UBE2D3: variants seen among roughly 807,000 people sequenced by gnomAD.
UBE2D3 encodes the protein ubiquitin-conjugating enzyme E2 D3.
Under a neutral mutation model 22.8 loss-of-function variants are expected in UBE2D3, and 2 were observed. That is an observed-to-expected ratio of 0.09 (90% CI 0.04 to 0.28). The LOEUF (loss-of-function observed/expected upper bound fraction) is 0.28, where lower values mean the gene tolerates loss of function less well. Ranked by LOEUF, UBE2D3 falls within the 10% of genes least tolerant of loss-of-function variation. UBE2D3 has a pLI of 1.00. For missense variants in UBE2D3, 27 were observed against 182.5 expected (o/e 0.15, Z 4.91); for synonymous variants, 56 against 60.4 (o/e 0.93, Z 0.34).
intron 1 of UBE2D3, chr4:102,826,923 G>A (rs985069539): frequency 1.6e-5 from 16 of 1,014,922 alleles, no homozygotes; most frequent in Non-Finnish European, 1.8e-5. Context: ...CCGGAGCCCA[G>A]CAGAGGAGGA....
chr4:102,818,334 C>T (rs1281766829), intron 2 of UBE2D3, among the ~76,000 whole-genome samples: 1 of 152,214 alleles, frequency 6.6e-6, no homozygotes, highest in East Asian at 1.9e-4. Context: ...TCATCTTCCT[C>T]TGAGCTGCTT....
chr4:102,843,475 A>C (rs1221331835), intron 1 of UBE2D3: 1 of 152,168 alleles, frequency 6.6e-6, no homozygotes, highest in Non-Finnish European at 1.5e-5. Context: ...AGTGCACTAC[A>C]TATGGGACTG....
chr4:102,852,283 T>C (rs1393290760), intron 1 of UBE2D3, among the ~76,000 whole-genome samples: 1 of 152,198 alleles, frequency 6.6e-6, no homozygotes, highest in Non-Finnish European at 1.5e-5. Flanking sequence ...GCTCTATCAG[T>C]CCTGAACCGA....
At chr4:102,805,142 A>G (rs991906393) in intron 4 of UBE2D3, among the ~76,000 whole-genome samples, 5 of 152,246 alleles carry the variant, frequency 3.3e-5, no homozygotes, top group Non-Finnish European at 7.3e-5. Context: ...TTGTTCGAAA[A>G]AAGAACTTTA....
intron 1 of UBE2D3, among the ~76,000 whole-genome samples, chr4:102,852,210 T>G (rs77779324): frequency 0.012 from 1,816 of 152,312 alleles, 21 homozygotes; most frequent in African/African-American, 0.036. Context: ...AGCCACATAT[T>G]CACATATTGA....
intron 7 of UBE2D3, among the ~76,000 whole-genome samples, chr4:102,798,619 A>T (rs1036393327): frequency 3.3e-5 from 5 of 151,616 alleles, no homozygotes; most frequent in Admixed American, 3.3e-4. Flanking sequence ...CATTCTGTAT[A>T]GGATTGGTAC....
At position 102,860,338 on chromosome 4, in the gene UBE2D3, G is replaced by A. The variant is rs1732826527; in HGVS notation, c.-129+8377C>T. On this transcript the variant is annotated intron_variant, in intron 1 of 7. Transcript: ENST00000338145. ...GTTCCTTTGGTTGTCATGTTTTCTT[G>A]GTGTGTGTGTGTGTGTGTTCAACTG... 1.4e-5 allele frequency among the ~76,000 whole-genome samples: 2 copies of A among 146,898 alleles called. 1 individual carries two copies. The highest frequency in any genetic ancestry group is 3.0e-5 in the Non-Finnish European group (2 of 66,274).
intron 7 of UBE2D3, 109 bp downstream of exon 7, chr4:102,799,298 T>C (rs1185310710): frequency 2.3e-6 from 2 of 851,368 alleles, no homozygotes; most frequent in African/African-American, 3.5e-5. Flanking sequence ...CTCCATATTT[T>C]AACTATTATC....
At chr4:102,802,888 C>T (rs893700213) in intron 4 of UBE2D3, among the ~76,000 whole-genome samples, 2 of 152,046 alleles carry the variant, frequency 1.3e-5, no homozygotes, top group East Asian at 1.9e-4. Context: ...TATCCAGAAA[C>T]GCAAGTATTC....
At chr4:102,838,453 T>A (rs1731546573) in intron 1 of UBE2D3, among the ~76,000 whole-genome samples, 1 of 152,158 alleles carries the variant, frequency 6.6e-6, no homozygotes, top group African/African-American at 2.4e-5. Context: ...TGCTCCCTAC[T>A]TCAGGCTAGT....
intron 1 of UBE2D3, among the ~76,000 whole-genome samples, chr4:102,845,234 C>G (rs1031467884): frequency 1.3e-5 from 2 of 151,990 alleles, no homozygotes; most frequent in African/African-American, 4.8e-5. Flanking sequence ...CAAAACAAAA[C>G]AAAACAAAGA....
chr4:102,865,641 A>C (rs1314629464), intron 1 of UBE2D3, among the ~76,000 whole-genome samples: 3 of 152,240 alleles, frequency 2.0e-5, no homozygotes, highest in Non-Finnish European at 4.4e-5. Context: ...CAAAGATGTC[A>C]AGAGCAGACT....
At chr4:102,822,527 CA>C (rs1433304332) in intron 2 of UBE2D3, among the ~76,000 whole-genome samples, 1 of 152,218 alleles carries the variant, frequency 6.6e-6, no homozygotes, top group East Asian at 1.9e-4. Flanking sequence ...TCTTAACTCA[CA>C]AATTAGCTAT....
intron 1 of UBE2D3, among the ~76,000 whole-genome samples, chr4:102,842,667 T>G (rs1731821702): frequency 6.6e-6 from 1 of 152,140 alleles, no homozygotes; most frequent in African/African-American, 2.4e-5. Context: ...ACACCCCTGT[T>G]TAAAGGCACT....
rs964742561 is a variant in UBE2D3 at position 102,826,925 on chromosome 4, A to G, written c.-128-289T>C. Reference sequence around the variant, plus strand: ...TGCGGGGCAGGGTCCGGAGCCCAGCAGAGGAGGAGCCGGGGCCTAGTCGGC... The same window carrying G: ...TGCGGGGCAGGGTCCGGAGCCCAGCGGAGGAGGAGCCGGGGCCTAGTCGGC... On this transcript the variant is annotated intron_variant, in intron 1 of 7. Transcript: ENST00000453744. The G allele has an allele frequency of 5.6e-5, 57 of 1,012,908 alleles. No individual in the cohort carries two copies. The African/African-American group carries it at 8.9e-4, about 16-fold the overall frequency. 62.7% of individuals were successfully genotyped at this position (1,012,908 alleles called of 1,614,324 possible).
intron 4 of UBE2D3, among the ~76,000 whole-genome samples, chr4:102,806,845 C>A (rs1727129910): frequency 2.0e-5 from 3 of 151,936 alleles, no homozygotes; most frequent in Admixed American, 2.0e-4. Context: ...CCCCCCTCCC[C>A]AAAAAAACCC....
intron 2 of UBE2D3, among the ~76,000 whole-genome samples, chr4:102,815,615 T>C (rs1728678558): frequency 6.6e-6 from 1 of 152,206 alleles, no homozygotes; most frequent in African/African-American, 2.4e-5. Flanking sequence ...GCTAGCATTA[T>C]CATCCTTTTA....
chr4:102,834,676 G>T (rs1281413107), intron 1 of UBE2D3, among the ~76,000 whole-genome samples: 1 of 151,932 alleles, frequency 6.6e-6, no homozygotes, highest in Non-Finnish European at 1.5e-5. Context: ...TTGGGCCCAG[G>T]AGGTCAAGGC....
At chr4:102,836,074 A>G (rs1731376889) in intron 1 of UBE2D3, among the ~76,000 whole-genome samples, 1 of 151,636 alleles carries the variant, frequency 6.6e-6, no homozygotes, top group South Asian at 2.1e-4. Flanking sequence ...TTGCTAAATA[A>G]TATTCCATTG....
Sources: allele counts gnomAD v4.1 joint callset (sites outside exome capture counted in the v4.1 genomes callset), GRCh38; gene constraint gnomAD v4.1.1; transcripts MANE v1.5; gene names NCBI Gene and HGNC (gene_info 2026-07-23, HGNC 2026-07-21).